MOXD1: variants seen among roughly 807,000 people sequenced by gnomAD.
MOXD1 encodes DBH-like monooxygenase protein 1.
In MOXD1, 62 loss-of-function variants were observed where a neutral mutation model predicts 66.6. The ratio of observed to expected loss-of-function variants is 0.93; its 90% confidence interval spans 0.76 to 1.15. The LOEUF (loss-of-function observed/expected upper bound fraction) is 1.15, where lower values mean the gene tolerates loss of function less well. Ranked by LOEUF, MOXD1 falls within the 50% of genes most tolerant of loss-of-function variation. The pLI is 0.00. For missense variants in MOXD1, 847 were observed against 754.6 expected, an observed-to-expected ratio of 1.12 and a Z score of -1.44; for synonymous variants, 303 against 281.9, an observed-to-expected ratio of 1.07 and a Z score of -0.75.
At chr6:132,386,189 T>C (rs940061644) in intron 1 of MOXD1, among the ~76,000 whole-genome samples, 2 of 142,702 alleles carry the variant, frequency 1.4e-5, no homozygotes, top group Non-Finnish European at 3.0e-5. Flanking sequence ...GATCACGAGG[T>C]CAGGAAATCA....
rs143052163 is a variant in MOXD1 at position 132,318,103 on chromosome 6, G to C, written c.1366-2326C>G. ...CACATTTATTTGTTCTCCTTTTGAT[G>C]GGTATTTGAGAGATTTCCAGAATTT... On this transcript the variant is annotated intron_variant, in intron 9 of 11. Coordinates refer to ENST00000367963, the MANE Select transcript of MOXD1 (RefSeq NM_015529.4). Among the ~76,000 whole-genome samples, 529 of 151,906 alleles carry C rather than the reference G, an allele frequency of 3.5e-3. 3 individuals carry two copies. The highest frequency in any genetic ancestry group is 5.2e-3 in the Non-Finnish European group (351 of 67,874).
intron 4 of MOXD1, among the ~76,000 whole-genome samples, chr6:132,356,089 A>C (rs1775905568): frequency 6.6e-6 from 1 of 152,188 alleles, no homozygotes; most frequent in Non-Finnish European, 1.5e-5. Context: ...GACAGACAGT[A>C]CCTGGGAGGG....
chr6:132,370,086 A>T (rs1776234251), intron 4 of MOXD1, among the ~76,000 whole-genome samples: 1 of 152,114 alleles, frequency 6.6e-6, no homozygotes, highest in Non-Finnish European at 1.5e-5. Context: ...CATTTCTGTG[A>T]AAGTACTTTT....
At chr6:132,304,967 G>T (rs1774653935) in intron 10 of MOXD1, among the ~76,000 whole-genome samples, 1 of 152,164 alleles carries the variant, frequency 6.6e-6, no homozygotes, top group Non-Finnish European at 1.5e-5. Context: ...TTAGCCAACA[G>T]TCTCTCAACT....
intron 10 of MOXD1, among the ~76,000 whole-genome samples, chr6:132,312,726 G>A (rs1028040913): frequency 6.7e-6 from 1 of 150,284 alleles, no homozygotes; most frequent in African/African-American, 2.5e-5. Context: ...TCCTGAGGGA[G>A]ACCAAAGGTA....
intron 1 of MOXD1, among the ~76,000 whole-genome samples, chr6:132,397,694 GAA>G (rs71767098): frequency 6.3e-4 from 74 of 117,608 alleles, no homozygotes; most frequent in Non-Finnish European, 1.0e-3. Context: ...AAGAAAGAAA[GAA>G]AGAAAAAGAA....
intron 4 of MOXD1, among the ~76,000 whole-genome samples, chr6:132,364,040 A>T (rs1432655009): frequency 6.6e-6 from 1 of 152,136 alleles, no homozygotes; most frequent in Non-Finnish European, 1.5e-5. Context: ...GGTTGGTAGA[A>T]GAAAAATTAA....
At position 132,389,198 on chromosome 6, in the gene MOXD1, C is replaced by T. The variant is rs188276995; in HGVS notation, c.264+11965G>A. ...GGATTATAAGCATGAGCCACTGTGC[C>T]CAGCCCTCACTATATAAATTAGAGA... On this transcript the variant is annotated intron_variant, in intron 1 of 11. Transcript: ENST00000367963. 2.3e-3 allele frequency among the ~76,000 whole-genome samples: 354 copies of T among 151,366 alleles called. 12 individuals carry two copies. Among genetic ancestry groups the T allele is most frequent in the Non-Finnish European group, 4.2e-3 (284 of 67,640 alleles).
intron 1 of MOXD1, among the ~76,000 whole-genome samples, chr6:132,382,961 C>A (rs1350210790): frequency 1.3e-5 from 2 of 152,126 alleles, no homozygotes; most frequent in African/African-American, 4.8e-5. Flanking sequence ...CTGTGTTACA[C>A]AGGAGGAAGT....
At chr6:132,389,861 T>C (rs570840203) in intron 1 of MOXD1, among the ~76,000 whole-genome samples, 3 of 151,218 alleles carry the variant, frequency 2.0e-5, no homozygotes, top group Admixed American at 2.0e-4. Flanking sequence ...ATAAACTTCA[T>C]AGAAAAAAAA....
chr6:132,398,758 G>A (rs1032400114), intron 1 of MOXD1, among the ~76,000 whole-genome samples: 10 of 151,696 alleles, frequency 6.6e-5, no homozygotes, highest in East Asian at 3.9e-4. Flanking sequence ...TGGCCAGCCT[G>A]GTGAAACCCG....
chr6:132,305,011 C>T (rs1582558810), intron 10 of MOXD1, among the ~76,000 whole-genome samples: 1 of 152,190 alleles, frequency 6.6e-6, no homozygotes, highest in African/African-American at 2.4e-5. Context: ...CTCCCGAGGG[C>T]AGGGTCGATC....
chr6:132,366,141 G>A (rs1776117648), intron 4 of MOXD1, among the ~76,000 whole-genome samples: 1 of 152,092 alleles, frequency 6.6e-6, no homozygotes, highest in African/African-American at 2.4e-5. Context: ...CAAATAGAGT[G>A]TTGCAAAATA....
intron 1 of MOXD1, among the ~76,000 whole-genome samples, chr6:132,394,903 A>AAAAACTTCCCAAGTCTTGC (rs1776839235): frequency 6.6e-6 from 1 of 152,182 alleles, no homozygotes; most frequent in Admixed American, 6.5e-5. Context: ...AACAATAGAT[A>AAAAACTTCCCAAGTCTTGC]AAAACTTCCC....
rs1349906279 is a variant in MOXD1 at position 132,296,117 on chromosome 6, A to C, written c.*1036T>G. 6.6e-6 allele frequency: 1 copy of C among 152,202 alleles called. No homozygotes were observed. The highest frequency in any genetic ancestry group is 1.5e-5 in the Non-Finnish European group (1 of 68,028). 9.4% of individuals were successfully genotyped at this position (152,202 alleles called of 1,614,324 possible). On this transcript the variant is annotated 3_prime_UTR_variant, in exon 12 of 12. Coordinates refer to ENST00000367963, the MANE Select transcript of MOXD1 (RefSeq NM_015529.4). ...ATTTAGCTTAAGAGATGAGGACAGG[A>C]CATAAAACAAGATTTGGCTGAGCTA...
At chr6:132,359,576 TC>T (rs1305179696) in intron 4 of MOXD1, among the ~76,000 whole-genome samples, 3 of 146,096 alleles carry the variant, frequency 2.1e-5, no homozygotes, top group Non-Finnish European at 4.5e-5. Flanking sequence ...AAGCTCCGCC[TC>T]CCGGGTTCAC....
intron 4 of MOXD1, among the ~76,000 whole-genome samples, chr6:132,359,602 T>G (rs1011577316): frequency 2.0e-5 from 3 of 150,532 alleles, no homozygotes; most frequent in Non-Finnish European, 4.4e-5. Flanking sequence ...TTCTCCTGCC[T>G]CAGCCTCCCG....
intron 1 of MOXD1, among the ~76,000 whole-genome samples, chr6:132,400,940 C>T (rs1450354256): frequency 6.6e-6 from 1 of 152,190 alleles, no homozygotes; most frequent in Non-Finnish European, 1.5e-5. Flanking sequence ...AGAAGGAAAC[C>T]TGCCTGGGGT....
chr6:132,379,067 C>CA (rs1453709996), intron 1 of MOXD1, among the ~76,000 whole-genome samples: 2 of 150,460 alleles, frequency 1.3e-5, no homozygotes, highest in Non-Finnish European at 3.0e-5. Flanking sequence ...AAGACACTAC[C>CA]AAAAAAACTA....
Sources: gnomAD v4.1 joint callset for allele counts (sites outside exome capture counted in the v4.1 genomes callset) on GRCh38, gnomAD v4.1.1 for gene constraint, MANE v1.5 for transcripts, NCBI Gene and HGNC (gene_info 2026-07-23, HGNC 2026-07-21) for gene names.